The following GALNT10 variants were observed in gnomAD, a reference collection of about 807,000 sequenced individuals.
The protein encoded by GALNT10 is polypeptide N-acetylgalactosaminyltransferase 10, also known as GalNAc transferase 10.
GALNT10 carries 41 observed loss-of-function variants against 75.0 expected under a neutral mutation model. The ratio of observed to expected loss-of-function variants is 0.55; its 90% CI spans 0.43 to 0.71. The LOEUF (loss-of-function observed/expected upper bound fraction) is 0.71, where lower values mean the gene tolerates loss of function less well. GALNT10 is among the 30% of genes least tolerant of loss of function. The pLI is 0.00. For missense variants in GALNT10, 727 were observed against 818.5 expected (o/e 0.89, Z 1.36); for synonymous variants, 302 against 313.0 (o/e 0.96, Z 0.37).
At chr5:154,359,452 T>C (rs1306659823) in intron 4 of GALNT10, among the ~76,000 whole-genome samples, 1 of 146,616 alleles carries the variant, frequency 6.8e-6, no homozygotes, top group African/African-American at 2.6e-5. Flanking sequence ...GGGAGGAGAG[T>C]GCAGTCTACC....
intron 1 of GALNT10, among the ~76,000 whole-genome samples, chr5:154,254,587 A>T (rs899915815): frequency 1.3e-5 from 2 of 151,210 alleles, no homozygotes; most frequent in African/African-American, 4.9e-5. Flanking sequence ...CAAATCAGGA[A>T]TTTTTTACTG....
intron 1 of GALNT10, among the ~76,000 whole-genome samples, chr5:154,241,151 T>C (rs777509514): frequency 1.3e-5 from 2 of 152,154 alleles, no homozygotes; most frequent in African/African-American, 4.8e-5. Flanking sequence ...GAAATGTCCA[T>C]GGAAAGAATG....
chr5:154,261,468 G>C (rs1753697687), intron 1 of GALNT10, among the ~76,000 whole-genome samples: 1 of 152,098 alleles, frequency 6.6e-6, no homozygotes, highest in African/African-American at 2.4e-5. Context: ...TGAGCCCCTT[G>C]GACACTAAAG....
intron 4 of GALNT10, among the ~76,000 whole-genome samples, chr5:154,335,932 G>A (rs988417949): frequency 6.6e-6 from 1 of 152,164 alleles, no homozygotes; most frequent in African/African-American, 2.4e-5. Flanking sequence ...ATGACGTATA[G>A]CATCATACAG....
At chr5:154,257,985 A>G (rs1359830923) in intron 1 of GALNT10, among the ~76,000 whole-genome samples, 1 of 152,204 alleles carries the variant, frequency 6.6e-6, no homozygotes, top group Non-Finnish European at 1.5e-5. Flanking sequence ...AAGTTAAGGT[A>G]TATGTCAGCA....
intron 1 of GALNT10, among the ~76,000 whole-genome samples, chr5:154,292,312 A>C (rs1754205827): frequency 6.6e-6 from 1 of 152,216 alleles, no homozygotes; most frequent in Non-Finnish European, 1.5e-5. Flanking sequence ...GTCTAGGGTA[A>C]GACCCTGGGA....
At chr5:154,259,181 C>G (rs545604774) in intron 1 of GALNT10, among the ~76,000 whole-genome samples, 1 of 152,044 alleles carries the variant, frequency 6.6e-6, no homozygotes, top group Non-Finnish European at 1.5e-5. Flanking sequence ...CTTTAGTTTC[C>G]TTCAACCTGT....
At chr5:154,397,783 C>A (rs953285206) in intron 7 of GALNT10, among the ~76,000 whole-genome samples, 16 of 152,226 alleles carry the variant, frequency 1.1e-4, no homozygotes, top group African/African-American at 3.9e-4. Context: ...GGTCGGGTGC[C>A]GTGCCATTCC....
At chr5:154,324,403 T>G (rs773218165) in intron 3 of GALNT10, among the ~76,000 whole-genome samples, 1 of 152,252 alleles carries the variant, frequency 6.6e-6, no homozygotes, top group Non-Finnish European at 1.5e-5. Context: ...AAAGGCCTTC[T>G]CAGCTGCAGA....
intron 1 of GALNT10, among the ~76,000 whole-genome samples, chr5:154,293,646 C>T (rs1754232353): frequency 7.1e-6 from 1 of 140,352 alleles, no homozygotes; most frequent in Non-Finnish European, 1.6e-5. Flanking sequence ...TCAATTGCTT[C>T]TTCATACATT....
chr5:154,400,950 G>A (rs1756148191), intron 7 of GALNT10, among the ~76,000 whole-genome samples: 2 of 152,214 alleles, frequency 1.3e-5, no homozygotes, highest in African/African-American at 2.4e-5. Flanking sequence ...CTGAGCAGAT[G>A]TCTGTCTTCC....
chr5:154,346,050 T>G (rs1008316142), intron 4 of GALNT10, among the ~76,000 whole-genome samples: 2 of 149,380 alleles, frequency 1.3e-5, no homozygotes, highest in Non-Finnish European at 3.0e-5. Context: ...CCACCCACCT[T>G]AGCCACCCAA....
intron 7 of GALNT10, among the ~76,000 whole-genome samples, chr5:154,390,022 C>A (rs1229498494): frequency 6.6e-6 from 1 of 152,194 alleles, no homozygotes; most frequent in Admixed American, 6.5e-5. Flanking sequence ...ACAACTACAA[C>A]TAAAAATTAC....
At chr5:154,351,793 T>C (rs1239508425) in intron 4 of GALNT10, among the ~76,000 whole-genome samples, 1 of 152,208 alleles carries the variant, frequency 6.6e-6, no homozygotes, top group African/African-American at 2.4e-5. Flanking sequence ...ACTGAGACTT[T>C]AATAAAGGAA....
At chr5:154,332,689 T>A (rs1754885773) in intron 4 of GALNT10, among the ~76,000 whole-genome samples, 1 of 152,140 alleles carries the variant, frequency 6.6e-6, no homozygotes, top group Admixed American at 6.5e-5. Flanking sequence ...CAGCTACCCA[T>A]GCATACAGAA....
At chr5:154,392,366 G>C (rs764722770) in intron 7 of GALNT10, 3 of 152,146 alleles carry the variant, frequency 2.0e-5, no homozygotes, top group Non-Finnish European at 4.4e-5. Context: ...GTAAGTGTTA[G>C]TGTGTTAGTG....
intron 3 of GALNT10, among the ~76,000 whole-genome samples, chr5:154,302,494 C>T (rs1426853276): frequency 6.6e-6 from 1 of 152,242 alleles, no homozygotes; most frequent in Non-Finnish European, 1.5e-5. Flanking sequence ...GGCAACTGAG[C>T]GTGGAGGCCC....
At chr5:154,356,776 C>G (rs1179775640) in intron 4 of GALNT10, among the ~76,000 whole-genome samples, 1 of 152,152 alleles carries the variant, frequency 6.6e-6, no homozygotes, top group Admixed American at 6.5e-5. Context: ...GAAGGGCCAG[C>G]AGAGCTGGGC....
intron 1 of GALNT10, among the ~76,000 whole-genome samples, chr5:154,251,928 A>T (rs1208205215): frequency 6.8e-6 from 1 of 147,724 alleles, no homozygotes; most frequent in African/African-American, 2.5e-5. Context: ...TTACATTTAA[A>T]GAGAAAATAC....
Sources: allele counts gnomAD v4.1 joint callset (sites outside exome capture counted in the v4.1 genomes callset), GRCh38; gene constraint gnomAD v4.1.1; transcripts MANE v1.5; gene names NCBI Gene and HGNC (gene_info 2026-07-23, HGNC 2026-07-21).